APBB2: variants seen among roughly 807,000 people sequenced by gnomAD.
APBB2 encodes the protein Fe65-like 1.
Under a neutral mutation model 82.5 loss-of-function variants are expected in APBB2, and 38 were observed. The observed-to-expected ratio is 0.46, with a 90% confidence interval of 0.36 to 0.60. The LOEUF (loss-of-function observed/expected upper bound fraction) is 0.60. Ranked by LOEUF, APBB2 falls within the 20% of genes least tolerant of loss-of-function variation. The probability of loss-of-function intolerance (pLI) is 0.00; values close to 1 mark genes in which losing one functional copy is unlikely to be tolerated. For missense variants in APBB2, 772 were observed against 972.3 expected, an observed-to-expected ratio of 0.79 and a Z score of 2.74; for synonymous variants, 341 against 368.2, an observed-to-expected ratio of 0.93 and a Z score of 0.85.
intron 4 of APBB2, among the ~76,000 whole-genome samples, chr4:41,053,107 C>T (rs1444421486): frequency 6.6e-6 from 1 of 152,104 alleles, no homozygotes; most frequent in African/African-American, 2.4e-5. Context: ...AGGGTAACTG[C>T]ACATATTTTT....
At chr4:41,042,921 G>C (rs1876493) in intron 4 of APBB2, among the ~76,000 whole-genome samples, 41,630 of 152,090 alleles carry the variant, frequency 0.27, 6,713 homozygotes, top group East Asian at 0.55. Flanking sequence ...ACTAGTTATA[G>C]CCACAACAAC....
At chr4:40,959,053 A>T (rs569656792) in intron 6 of APBB2, among the ~76,000 whole-genome samples, 1 of 152,284 alleles carries the variant, frequency 6.6e-6, no homozygotes, top group African/African-American at 2.4e-5. Flanking sequence ...ACCAGGCAGG[A>T]TTTATTTAGG....
At chr4:40,827,848 C>T (rs527792184) in intron 13 of APBB2, among the ~76,000 whole-genome samples, 13 of 152,156 alleles carry the variant, frequency 8.5e-5, no homozygotes, top group Non-Finnish European at 1.5e-4. Context: ...TGTCCTCACC[C>T]AAATCTCGTC....
intron 10 of APBB2, among the ~76,000 whole-genome samples, chr4:40,922,817 T>C (rs1382185286): frequency 6.6e-6 from 1 of 151,076 alleles, no homozygotes; most frequent in Non-Finnish European, 1.5e-5. Context: ...GGGGGCTCAC[T>C]ATGTTGGCCA....
intron 1 of APBB2, among the ~76,000 whole-genome samples, chr4:41,190,239 C>CTTTTT (rs1479369935): frequency 9.2e-6 from 1 of 109,158 alleles, no homozygotes; most frequent in Non-Finnish European, 1.8e-5. Flanking sequence ...CCTACATAGG[C>CTTTTT]TATTTTTTTT....
intron 1 of APBB2, among the ~76,000 whole-genome samples, chr4:41,163,252 A>G (rs1018875115): frequency 1.3e-5 from 2 of 152,148 alleles, no homozygotes; most frequent in Non-Finnish European, 2.9e-5. Context: ...GTAATGATAG[A>G]CCACATATCT....
At chr4:41,082,752 T>C (rs1439984642) in intron 3 of APBB2, among the ~76,000 whole-genome samples, 2 of 151,436 alleles carry the variant, frequency 1.3e-5, no homozygotes, top group Non-Finnish European at 2.9e-5. Flanking sequence ...TGCAAAAGAG[T>C]TGTTCACTGA....
At chr4:41,206,289 C>T (rs182516962) in intron 1 of APBB2, among the ~76,000 whole-genome samples, 78 of 152,316 alleles carry the variant, frequency 5.1e-4, no homozygotes, top group African/African-American at 1.7e-3. Flanking sequence ...TTGCCACTCT[C>T]GCAGGATTAG....
intron 10 of APBB2, among the ~76,000 whole-genome samples, chr4:40,894,017 G>A (rs755426832): frequency 2.7e-5 from 4 of 150,532 alleles, no homozygotes; most frequent in Admixed American, 2.7e-4. Flanking sequence ...GGCCGGGCGC[G>A]GTGGCTCATG....
At chr4:40,933,049 A>G (rs1262961495) in intron 10 of APBB2, among the ~76,000 whole-genome samples, 1 of 152,158 alleles carries the variant, frequency 6.6e-6, no homozygotes, top group Non-Finnish European at 1.5e-5. Flanking sequence ...TTTTTAGTAG[A>G]GACGGGGTTT....
At chr4:40,894,883 T>C (rs551625301) in intron 10 of APBB2, among the ~76,000 whole-genome samples, 24 of 152,348 alleles carry the variant, frequency 1.6e-4, no homozygotes, top group South Asian at 6.2e-4. Context: ...ATGCCTGAGC[T>C]GGGTCCCTCA....
chr4:40,876,689 T>A (rs1298501111), intron 12 of APBB2, among the ~76,000 whole-genome samples: 1 of 152,226 alleles, frequency 6.6e-6, no homozygotes, highest in Non-Finnish European at 1.5e-5. Flanking sequence ...TGCAAAACTA[T>A]GTAGATAATT....
intron 6 of APBB2, among the ~76,000 whole-genome samples, chr4:40,957,663 A>G (rs1365764460): frequency 1.3e-5 from 2 of 150,662 alleles, no homozygotes; most frequent in East Asian, 3.9e-4. Flanking sequence ...GGCTCACTGC[A>G]ACCTCTGCCT....
intron 1 of APBB2, among the ~76,000 whole-genome samples, chr4:41,183,286 C>T (rs1437441580): frequency 6.6e-6 from 1 of 152,194 alleles, no homozygotes; most frequent in Non-Finnish European, 1.5e-5. Context: ...CTCCACAAAA[C>T]AGTGATCCTT....
At chr4:41,081,600 AT>A (rs1481940055) in intron 3 of APBB2, among the ~76,000 whole-genome samples, 1 of 152,036 alleles carries the variant, frequency 6.6e-6, no homozygotes, top group Non-Finnish European at 1.5e-5. Flanking sequence ...GTTATATAAA[AT>A]TTTTTTTCCA....
At chr4:41,030,631 AT>A (rs899357384) in intron 5 of APBB2, among the ~76,000 whole-genome samples, 2 of 151,712 alleles carry the variant, frequency 1.3e-5, no homozygotes, top group East Asian at 1.9e-4. Context: ...TTCAAAGATA[AT>A]TTTTTTTTAA....
chr4:40,943,426 T>A (rs146792116), intron 7 of APBB2, among the ~76,000 whole-genome samples: 6 of 152,210 alleles, frequency 3.9e-5, no homozygotes, highest in African/African-American at 1.2e-4. Context: ...GGTGTACAAA[T>A]AAGAAAGGGA....
At chr4:40,961,536 C>A (rs1793212940) in intron 6 of APBB2, among the ~76,000 whole-genome samples, 1 of 149,868 alleles carries the variant, frequency 6.7e-6, no homozygotes, top group African/African-American at 2.5e-5. Flanking sequence ...GGAGATATAC[C>A]TAATGCTAGA....
chr4:41,208,620 T>A (rs1267693543), intron 1 of APBB2, among the ~76,000 whole-genome samples: 5 of 152,174 alleles, frequency 3.3e-5, no homozygotes, highest in African/African-American at 4.8e-5. Flanking sequence ...CTCTAAGCAT[T>A]CCTGAAGCAT....
Sources: gnomAD v4.1 joint callset for allele counts (sites outside exome capture counted in the v4.1 genomes callset) on GRCh38, gnomAD v4.1.1 for gene constraint, MANE v1.5 for transcripts, NCBI Gene and HGNC (gene_info 2026-07-23, HGNC 2026-07-21) for gene names.